The following ZBTB7C variants were observed in gnomAD, a reference collection of about 807,000 sequenced individuals.
The protein encoded by ZBTB7C is zinc finger and BTB domain-containing protein 7C.
ZBTB7C carries 8 observed loss-of-function variants against 25.7 expected under a neutral mutation model. The observed-to-expected ratio is 0.31, with a 90% CI of 0.18 to 0.56. The LOEUF (loss-of-function observed/expected upper bound fraction) is 0.56, where lower values mean the gene tolerates loss of function less well. Among genes scored for constraint, ZBTB7C ranks in the 20% least tolerant of loss-of-function variants. The pLI, the probability that ZBTB7C is intolerant of heterozygous loss-of-function variation, is 0.91. For missense variants in ZBTB7C, 824 were observed against 855.2 expected (o/e 0.96, Z 0.46); for synonymous variants, 394 against 369.0 (o/e 1.07, Z -0.78).
intron 1 of ZBTB7C, among the ~76,000 whole-genome samples, chr18:48,403,404 G>A (rs71355341): frequency 6.6e-6 from 1 of 152,146 alleles, no homozygotes; most frequent in African/African-American, 2.4e-5. Flanking sequence ...CTGCCTACAT[G>A]AGAGTATGTA....
chr18:48,147,887 T>A (rs1311124916), intron 3 of ZBTB7C: 1 of 152,238 alleles, frequency 6.6e-6, no homozygotes, highest in Admixed American at 6.5e-5. Context: ...GTGCTGGAGT[T>A]ACAGGCGTGA....
At chr18:48,078,875 G>C (rs2037873968) in intron 3 of ZBTB7C, among the ~76,000 whole-genome samples, 2 of 152,168 alleles carry the variant, frequency 1.3e-5, no homozygotes, top group South Asian at 4.1e-4. Flanking sequence ...GCATGTATTA[G>C]TGCTTCATTC....
At chr18:48,304,441 C>T (rs895167785) in intron 2 of ZBTB7C, among the ~76,000 whole-genome samples, 3 of 152,030 alleles carry the variant, frequency 2.0e-5, no homozygotes, top group Admixed American at 6.5e-5. Flanking sequence ...TTTGGGAGGC[C>T]GAGGTGGGGG....
chr18:48,400,902 T>C (rs1212382127), intron 1 of ZBTB7C, among the ~76,000 whole-genome samples: 1 of 152,226 alleles, frequency 6.6e-6, no homozygotes, highest in East Asian at 1.9e-4. Context: ...AGAACTGACC[T>C]GGCCCGTGCC....
At chr18:48,228,420 T>C (rs565095888) in intron 2 of ZBTB7C, among the ~76,000 whole-genome samples, 1 of 152,250 alleles carries the variant, frequency 6.6e-6, no homozygotes, top group Non-Finnish European at 1.5e-5. Flanking sequence ...CACTGGGTCC[T>C]TGCTATGAGA....
Position 48,041,094 on chromosome 18 carries a change from A to G in ZBTB7C, c.14T>C (p.Ile5Thr), listed in dbSNP as rs149753334. Reference sequence around the variant, plus strand: ...GAAGGGAATGCCAATGAGCTCATCAATGTCATTGGCCATGTTCTCAGCCAG... The same window carrying G: ...GAAGGGAATGCCAATGAGCTCATCAGTGTCATTGGCCATGTTCTCAGCCAG... MAND[I>T]DELIGIPFPN... Residue 5 changes from isoleucine (I) to threonine (T), a missense_variant, in exon 4 of 5, where the codon ATT becomes ACT. Physicochemically the swap from Ile to Thr is moderately conservative, Grantham distance 89. Around this residue, in one of 4 missense-constraint regions of ZBTB7C, gnomAD observed 117 missense variants for 167.7 expected, o/e 0.70. Transcript: ENST00000590800. The G allele has an allele frequency of 8.3e-5, 133 of 1,601,188 alleles. No homozygotes were observed. In the Middle Eastern group the frequency reaches 1.2e-3, roughly 14 times the overall value.
intron 2 of ZBTB7C, among the ~76,000 whole-genome samples, chr18:48,326,686 T>C (rs1217972249): frequency 2.0e-5 from 3 of 152,316 alleles, no homozygotes; most frequent in Non-Finnish European, 2.9e-5. Flanking sequence ...AGAAAGCAAG[T>C]TGCAGTACAG....
intron 3 of ZBTB7C, among the ~76,000 whole-genome samples, chr18:48,178,353 C>T (rs528451646): frequency 2.0e-4 from 31 of 152,320 alleles, no homozygotes; most frequent in Non-Finnish European, 3.5e-4. Flanking sequence ...CGAAGCCATT[C>T]GCACTGCAGA....
At chr18:48,373,587 C>A (rs529576247) in intron 1 of ZBTB7C, among the ~76,000 whole-genome samples, 1 of 152,124 alleles carries the variant, frequency 6.6e-6, no homozygotes, top group African/African-American at 2.4e-5. Context: ...ATCATGGGGG[C>A]GGATTCTTCA....
At chr18:48,041,813 TCAATA>T (rs1449092542) in intron 3 of ZBTB7C, among the ~76,000 whole-genome samples, 8 of 152,122 alleles carry the variant, frequency 5.3e-5, no homozygotes, top group African/African-American at 1.9e-4. Flanking sequence ...ATATTTAAAT[TCAATA>T]CAAATATAAA....
chr18:48,110,758 AC>A (rs1338038794), intron 3 of ZBTB7C, among the ~76,000 whole-genome samples: 1 of 152,054 alleles, frequency 6.6e-6, no homozygotes, highest in African/African-American at 2.4e-5. Context: ...GACCGGGTCC[AC>A]CTGCACCAGC....
At chr18:48,357,544 G>A (rs551272806) in intron 1 of ZBTB7C, among the ~76,000 whole-genome samples, 36 of 152,186 alleles carry the variant, frequency 2.4e-4, no homozygotes, top group Non-Finnish European at 4.0e-4. Context: ...CTCCCCAGGT[G>A]CCCCGGGCAG....
chr18:48,409,983 G>A (rs192453166), upstream of ZBTB7C, among the ~76,000 whole-genome samples: 1 of 116,640 alleles, frequency 8.6e-6, no homozygotes, highest in East Asian at 2.1e-4. Flanking sequence ...CCGGGGCAGC[G>A]GTGCGGCAGA....
chr18:48,136,512 C>T (rs1272342249), intron 3 of ZBTB7C, among the ~76,000 whole-genome samples: 1 of 152,158 alleles, frequency 6.6e-6, no homozygotes, highest in Admixed American at 6.5e-5. Context: ...CTTTTGTCCC[C>T]CCTCCCTCCC....
At chr18:48,179,999 C>A (rs1430024368) in intron 3 of ZBTB7C, among the ~76,000 whole-genome samples, 1 of 142,944 alleles carries the variant, frequency 7.0e-6, no homozygotes, top group Admixed American at 6.9e-5. Context: ...TCCTTCCTTA[C>A]AAGGAAGATA....
chr18:48,409,561 C>T (rs1162336793), upstream of ZBTB7C: 1 of 149,692 alleles, frequency 6.7e-6, no homozygotes, highest in Admixed American at 6.6e-5. Flanking sequence ...GTGCGGTCGC[C>T]TGTCGCTCGC....
At chr18:48,110,728 C>T (rs2039208679) in intron 3 of ZBTB7C, among the ~76,000 whole-genome samples, 1 of 152,162 alleles carries the variant, frequency 6.6e-6, no homozygotes, top group African/African-American at 2.4e-5. Flanking sequence ...AGGGCACCAG[C>T]AGCCACTGCC....
At position 48,032,901 on chromosome 18, in the gene ZBTB7C, G is replaced by A. The variant is rs150423440; in HGVS notation, c.1209-2990C>T. Reference sequence around the variant, plus strand: ...TTTTTGTGGCAATTGGTCCAAGGATGTAAGAAGTGCTGAGAAGGTGCCTAC... The same window carrying A: ...TTTTTGTGGCAATTGGTCCAAGGATATAAGAAGTGCTGAGAAGGTGCCTAC... On this transcript the variant is annotated intron_variant, in intron 4 of 4. Transcript: ENST00000590800. Among the ~76,000 whole-genome samples, 471 of 152,308 alleles carry A rather than the reference G, an allele frequency of 3.1e-3. 1 individual carries two copies. Among genetic ancestry groups the A allele is most frequent in the African/African-American group, 0.01 (431 of 41,566 alleles).
At chr18:48,063,832 TG>T (rs2037216654) in intron 3 of ZBTB7C, among the ~76,000 whole-genome samples, 1 of 152,130 alleles carries the variant, frequency 6.6e-6, no homozygotes, top group Admixed American at 6.5e-5. Context: ...TCATGCCAAA[TG>T]CCTTTTTTGT....
Sources: allele counts gnomAD v4.1 joint callset (sites outside exome capture counted in the v4.1 genomes callset), GRCh38; gene constraint gnomAD v4.1.1; regional missense constraint gnomAD v4.1.1; transcripts MANE v1.5; gene names NCBI Gene and HGNC (gene_info 2026-07-23, HGNC 2026-07-21).